BNC2: variants seen among roughly 807,000 people sequenced by gnomAD.
BNC2 encodes zinc finger protein basonuclin-2.
A neutral mutation model predicts 76.3 loss-of-function variants in BNC2; 20 were observed. The observed-to-expected ratio is 0.26, with a 90% CI of 0.18 to 0.38. BNC2 has a LOEUF of 0.38. BNC2 is among the 10% of genes least tolerant of loss of function. The probability of loss-of-function intolerance (pLI) is 1.00; values close to 1 mark genes in which losing one functional copy is unlikely to be tolerated. For synonymous variants in BNC2, 582 were observed against 514.8 expected (o/e 1.13, Z -1.77); for missense variants, 1,382 against 1,399.8 (o/e 0.99, Z 0.20).
At chr9:16,864,800 C>T (rs1253512383) in intron 1 of BNC2, among the ~76,000 whole-genome samples, 1 of 151,876 alleles carries the variant, frequency 6.6e-6, no homozygotes, top group South Asian at 2.1e-4. Context: ...TGGGGCCTTT[C>T]GGTTTTTCCT....
At chr9:16,591,908 A>G (rs979731407) in intron 3 of BNC2, among the ~76,000 whole-genome samples, 1 of 152,158 alleles carries the variant, frequency 6.6e-6, no homozygotes, top group Non-Finnish European at 1.5e-5. Context: ...GTAAAAAATG[A>G]TTATTTTGTT....
intron 4 of BNC2, among the ~76,000 whole-genome samples, chr9:16,557,042 C>G (rs1329255564): frequency 6.6e-6 from 1 of 152,048 alleles, no homozygotes; most frequent in African/African-American, 2.4e-5. Flanking sequence ...GGAGTCAGGT[C>G]TGGATCTTGT....
chr9:16,447,055 T>C (rs1220919428), intron 5 of BNC2, among the ~76,000 whole-genome samples: 1 of 152,176 alleles, frequency 6.6e-6, no homozygotes, highest in Non-Finnish European at 1.5e-5. Context: ...TCAAGTTACC[T>C]CGCTGCATTG....
intron 1 of BNC2, among the ~76,000 whole-genome samples, chr9:16,863,780 C>A (rs1032084776): frequency 5.9e-5 from 9 of 152,130 alleles, no homozygotes; most frequent in African/African-American, 2.2e-4. Context: ...AATAACTTTA[C>A]AGGGATTTGG....
At chr9:16,497,626 C>T (rs542008626) in intron 5 of BNC2, among the ~76,000 whole-genome samples, 63 of 152,054 alleles carry the variant, frequency 4.1e-4, no homozygotes, top group African/African-American at 1.4e-3. Context: ...TATAGGACTA[C>T]AAGGTATAAA....
At chr9:16,540,706 T>C (rs1272188542) in intron 5 of BNC2, among the ~76,000 whole-genome samples, 2 of 152,204 alleles carry the variant, frequency 1.3e-5, no homozygotes, top group Admixed American at 6.5e-5. Context: ...GTCGCTCTTT[T>C]GACAGGAGCA....
At chr9:16,455,560 G>A (rs1821429633) in intron 5 of BNC2, among the ~76,000 whole-genome samples, 1 of 152,192 alleles carries the variant, frequency 6.6e-6, no homozygotes, top group Non-Finnish European at 1.5e-5. Flanking sequence ...GGAGGCCAAG[G>A]CAGGTGGATC....
intron 1 of BNC2, among the ~76,000 whole-genome samples, chr9:16,812,412 A>C (rs1371010135): frequency 6.6e-6 from 1 of 152,258 alleles, no homozygotes; most frequent in Non-Finnish European, 1.5e-5. Flanking sequence ...CGTATCAAAA[A>C]GAAAGCAAGG....
rs1006360591 is a variant in BNC2, at chr9:16,523,491, A to C, written c.669+29039T>G. The stretch of plus-strand genomic sequence containing the variant: ...GTCTCAAAACAAAAAAAAAAAACAA[A>C]ACAAAAAAAAACAATTAATGTCAGG... On this transcript the variant is annotated intron_variant, in intron 5 of 6. Coordinates refer to ENST00000380672, the MANE Select transcript of BNC2 (RefSeq NM_017637.6). 1.2e-3 allele frequency among the ~76,000 whole-genome samples: 109 copies of C among 90,144 alleles called. 1 individual carries two copies. The highest frequency in any genetic ancestry group is 5.3e-3 in the African/African-American group (103 of 19,264). The allele number at this position is 90,144 out of a possible 152,430, so 59.1% of individuals were successfully genotyped here. A position where few individuals can be genotyped will look rare whatever the true frequency, so the allele number is the denominator to read the frequency against.
At chr9:16,834,636 AC>A (rs2136047235) in intron 1 of BNC2, among the ~76,000 whole-genome samples, 1 of 152,318 alleles carries the variant, frequency 6.6e-6, no homozygotes, top group South Asian at 2.1e-4. Context: ...TTAGCATTTT[AC>A]ATTTTTGCCT....
chr9:16,635,127 C>G (rs1821285841), intron 3 of BNC2, among the ~76,000 whole-genome samples: 1 of 152,142 alleles, frequency 6.6e-6, no homozygotes, highest in Non-Finnish European at 1.5e-5. Context: ...ATTATTTCAG[C>G]AATTTGTCTG....
chr9:16,606,197 CTT>C (rs1358296474), intron 3 of BNC2, among the ~76,000 whole-genome samples: 2 of 151,960 alleles, frequency 1.3e-5, no homozygotes, highest in East Asian at 1.9e-4. Flanking sequence ...AGAACAATGA[CTT>C]AATTCAAACA....
chr9:16,451,149 T>G (rs2131062937), intron 5 of BNC2, among the ~76,000 whole-genome samples: 1 of 152,274 alleles, frequency 6.6e-6, no homozygotes, highest in East Asian at 1.9e-4. Flanking sequence ...ATAATGTGTG[T>G]TTAGGGGAGA....
At chr9:16,740,350 T>C (rs961456811) in intron 1 of BNC2, among the ~76,000 whole-genome samples, 1 of 152,228 alleles carries the variant, frequency 6.6e-6, no homozygotes, top group Non-Finnish European at 1.5e-5. Flanking sequence ...TGACAGTGAC[T>C]GACACAGTAT....
At chr9:16,691,041 AAAC>A (rs1563900629) in intron 3 of BNC2, among the ~76,000 whole-genome samples, 1 of 152,186 alleles carries the variant, frequency 6.6e-6, no homozygotes, top group Non-Finnish European at 1.5e-5. Context: ...TCACAGCCAC[AAAC>A]AACAACAGAA....
chr9:16,865,070 T>C (rs1173362913), intron 1 of BNC2, among the ~76,000 whole-genome samples: 2 of 150,320 alleles, frequency 1.3e-5, no homozygotes, highest in Non-Finnish European at 3.0e-5. Context: ...AAAAGGAATT[T>C]CAGCATGGGG....
At chr9:16,440,670 AGT>A in intron 5 of BNC2, among the ~76,000 whole-genome samples, 1 of 152,150 alleles carries the variant, frequency 6.6e-6, no homozygotes. Flanking sequence ...TTCTCCCTAC[AGT>A]ACAGAGCAGT....
chr9:16,561,101 T>C (rs1818998615), intron 4 of BNC2, among the ~76,000 whole-genome samples: 1 of 152,078 alleles, frequency 6.6e-6, no homozygotes, highest in African/African-American at 2.4e-5. Context: ...TAGCCAGGCA[T>C]GGTGGTGGGC....
At chr9:16,563,562 T>C (rs1281033729) in intron 4 of BNC2, among the ~76,000 whole-genome samples, 6 of 152,258 alleles carry the variant, frequency 3.9e-5, no homozygotes, top group East Asian at 1.9e-4. Context: ...CGTAGGATGG[T>C]TTCAATTTCT....
Sources: gnomAD v4.1 joint callset for allele counts (sites outside exome capture counted in the v4.1 genomes callset) on GRCh38, gnomAD v4.1.1 for gene constraint, MANE v1.5 for transcripts, NCBI Gene and HGNC (gene_info 2026-07-23, HGNC 2026-07-21) for gene names.